The following CSMD2 variants were observed in gnomAD, a reference collection of about 807,000 sequenced individuals.
The protein encoded by CSMD2 is CUB and Sushi multiple domains 2.
A neutral mutation model predicts 398.5 loss-of-function variants in CSMD2; 130 were observed. That is an observed-to-expected ratio of 0.33 (90% CI 0.28 to 0.38). The LOEUF (loss-of-function observed/expected upper bound fraction) is 0.38, where lower values mean the gene tolerates loss of function less well. CSMD2 is among the 10% of genes least tolerant of loss of function. The pLI, the probability that CSMD2 is intolerant of heterozygous loss-of-function variation, is 1.00. For synonymous variants in CSMD2, 1,828 were observed against 1,908.5 expected (o/e 0.96, Z 1.10); for missense variants, 3,829 against 4,764.9 (o/e 0.80, Z 5.78).
intron 55 of CSMD2, among the ~76,000 whole-genome samples, chr1:33,555,692 G>A (rs1657895281): frequency 6.6e-6 from 1 of 152,310 alleles, no homozygotes; most frequent in Non-Finnish European, 1.5e-5. Context: ...CCAGCGAAGA[G>A]TATGACTTGC....
At chr1:34,161,758 G>C (rs563932155) in intron 1 of CSMD2, among the ~76,000 whole-genome samples, 36 of 152,246 alleles carry the variant, frequency 2.4e-4, no homozygotes, top group Middle Eastern at 6.8e-3. Flanking sequence ...GAAGAGAAGT[G>C]ACTAAAAGAC....
intron 2 of CSMD2, among the ~76,000 whole-genome samples, chr1:34,058,040 G>A (rs1457039470): frequency 6.6e-6 from 1 of 152,144 alleles, no homozygotes; most frequent in Non-Finnish European, 1.5e-5. Context: ...GGCGTGGGAC[G>A]AGGGAAAGCC....
intron 3 of CSMD2, among the ~76,000 whole-genome samples, chr1:33,992,684 T>C (rs929195483): frequency 2.6e-4 from 40 of 151,068 alleles, no homozygotes; most frequent in African/African-American, 9.0e-4. Flanking sequence ...CTGGCTAGCA[T>C]GGTGAAACCC....
intron 25 of CSMD2, among the ~76,000 whole-genome samples, chr1:33,679,199 G>GTTTTTTTTTTTTTTTTTTTTTTTTT (rs58284803): frequency 1.2e-5 from 1 of 84,216 alleles, no homozygotes. Flanking sequence ...AATTGCAGTT[G>GTTTTTTTTTTTTTTTTTTTTTTTTT]TTTTTTTTTT....
intron 1 of CSMD2, among the ~76,000 whole-genome samples, chr1:34,149,401 C>T (rs1171488773): frequency 1.3e-5 from 2 of 152,188 alleles, no homozygotes; most frequent in African/African-American, 2.4e-5. Flanking sequence ...AATGCCTCAT[C>T]CTGAAATGCC....
In CSMD2 at chr1:33,527,234, A is replaced by T; in HGVS notation, c.10196T>A (p.Ile3399Asn). 2 of 1,614,110 alleles carry T rather than the reference A, an allele frequency of 1.2e-6. No individual in the cohort carries two copies. Among genetic ancestry groups the T allele is most frequent in the Non-Finnish European group, 1.7e-6 (2 of 1,179,992 alleles). ...CLEVRPSGRPINTAREPPLTQ... is the reference protein window; with the variant it reads ...CLEVRPSGRPNNTAREPPLTQ... ...GAGCGGTGGCTCCCGGGCAGTGTTGATGGGTCTCCCACTGGGCCGGACCTC... is the reference window on the plus strand; with the variant it reads ...GAGCGGTGGCTCCCGGGCAGTGTTGTTGGGTCTCCCACTGGGCCGGACCTC... The change falls in exon 65 of 71, where the codon ATC (isoleucine) becomes AAC (asparagine). Residue 3399 changes from isoleucine (I) to asparagine (N), a missense_variant. By Grantham distance (149) the Ile-to-Asn change is moderately radical. This residue lies in a region of CSMD2 where 917 missense variants were observed against 1,199.5 expected (regional missense o/e 0.76). Transcript: ENST00000373381.
chr1:33,731,067 G>GAC (rs753760513), intron 15 of CSMD2, among the ~76,000 whole-genome samples: 9 of 152,128 alleles, frequency 5.9e-5, no homozygotes, highest in Non-Finnish European at 1.0e-4. Context: ...ACTAGCCAAT[G>GAC]ACACAATTTG....
Position 33,567,622 on chromosome 1 carries a change from T to C in CSMD2, c.8351A>G (p.His2784Arg), listed in dbSNP as rs776518972. 11 of 1,614,016 alleles carry C rather than the reference T, an allele frequency of 6.8e-6. No individual in the cohort carries two copies. The highest frequency in any genetic ancestry group is 1.3e-5 in the African/African-American group (1 of 74,912). Residue 2784 changes from histidine (H) to arginine (R), a missense_variant, in exon 53 of 71, where the codon CAC becomes CGC. His to Arg is a conservative substitution (Grantham distance 29). Around this residue, in one of 5 missense-constraint regions of CSMD2, gnomAD observed 917 missense variants for 1,199.5 expected, o/e 0.76. Coordinates refer to ENST00000373381, the MANE Select transcript of CSMD2 (RefSeq NM_001281956.2). ...ACAGAAAGGGGTCTTGCCCGACCAG[T>C]GATGATCCTGCTGGCAGATGCGCAC... ...MSVRICQQDH[H>R]WSGKTPFCVP...
intron 3 of CSMD2, among the ~76,000 whole-genome samples, chr1:33,939,270 T>C (rs1299529163): frequency 6.6e-6 from 1 of 152,110 alleles, no homozygotes; most frequent in Non-Finnish European, 1.5e-5. Flanking sequence ...GATCAGTCCC[T>C]GCTGCTGGTT....
At chr1:33,765,214 T>C (rs1650342190) in intron 13 of CSMD2, among the ~76,000 whole-genome samples, 1 of 152,238 alleles carries the variant, frequency 6.6e-6, no homozygotes, top group East Asian at 1.9e-4. Context: ...GACAAAATGA[T>C]TCTAAAATTA....
Position 34,107,682 on chromosome 1 carries a change from T to G in CSMD2, c.188-18489A>C, listed in dbSNP as rs980924751. On this transcript the variant is annotated intron_variant, in intron 1 of 70. Coordinates refer to ENST00000373381, the MANE Select transcript of CSMD2 (RefSeq NM_001281956.2). ...GGCCAATGTAGTAAGCTAAACTCCT[T>G]TCTACAGCACTCTCATACAGCAAAG... 3.9e-5 allele frequency among the ~76,000 whole-genome samples: 6 copies of G among 152,180 alleles called. 1 individual carries two copies. Among genetic ancestry groups the G allele is most frequent in the Non-Finnish European group, 8.8e-5 (6 of 68,030 alleles).
In CSMD2 at chr1:33,772,248, A is replaced by G. The variant is rs1292221163; in HGVS notation, c.1846+321T>C. On this transcript the variant is annotated intron_variant, in intron 13 of 70. Coordinates refer to ENST00000373381, the MANE Select transcript of CSMD2 (RefSeq NM_001281956.2). ...GGTGTCAGGGGTGGCAATGACGGTG[A>G]GCAGGAAATGTCTGGGTCTGAGCCT... 1.8e-5 allele frequency: 4 copies of G among 226,904 alleles called. No homozygotes were observed. In the East Asian group the frequency reaches 4.0e-4, roughly 22 times the overall value. The allele number at this position is 226,904 out of a possible 1,614,324, so 14.1% of individuals were successfully genotyped here. A position where few individuals can be genotyped will look rare whatever the true frequency, so the allele number is the denominator to read the frequency against.
intron 3 of CSMD2, among the ~76,000 whole-genome samples, chr1:33,938,281 GT>G (rs34392838): frequency 0.043 from 6,556 of 151,688 alleles, 177 homozygotes; most frequent in East Asian, 0.058. Context: ...CCATGATCCT[GT>G]GCTGCTGGCT....
At chr1:33,858,506 T>C (rs971210448) in intron 5 of CSMD2, among the ~76,000 whole-genome samples, 2 of 152,180 alleles carry the variant, frequency 1.3e-5, no homozygotes, top group African/African-American at 4.8e-5. Context: ...TGTGTGGCCT[T>C]GGATAAATTA....
At chr1:34,099,661 G>A (rs1038886350) in intron 1 of CSMD2, among the ~76,000 whole-genome samples, 6 of 152,192 alleles carry the variant, frequency 3.9e-5, no homozygotes, top group African/African-American at 9.7e-5. Flanking sequence ...TAGAATAGTC[G>A]GAGAGGATCC....
chr1:34,145,103 T>G (rs141636263), intron 1 of CSMD2, among the ~76,000 whole-genome samples: 1 of 152,312 alleles, frequency 6.6e-6, no homozygotes, highest in African/African-American at 2.4e-5. Flanking sequence ...CAAGGCTGCC[T>G]GCTTCTTTGA....
At chr1:33,744,425 G>T (rs1460932241) in intron 13 of CSMD2, among the ~76,000 whole-genome samples, 1 of 152,056 alleles carries the variant, frequency 6.6e-6, no homozygotes, top group Non-Finnish European at 1.5e-5. Context: ...GGGGAGGGAG[G>T]TGACAGCATC....
intron 3 of CSMD2, among the ~76,000 whole-genome samples, chr1:33,962,649 T>C (rs1486368756): frequency 6.6e-6 from 1 of 152,184 alleles, no homozygotes; most frequent in East Asian, 1.9e-4. Context: ...CCTTCCTCTC[T>C]ACTCCCTCCC....
chr1:33,846,820 G>A, intron 6 of CSMD2, 64 bp downstream of exon 6: 1 of 1,025,168 alleles, frequency 9.8e-7, no homozygotes, highest in Non-Finnish European at 1.4e-6. Context: ...GAGAGGTGAT[G>A]AGCCCTCCAG....
Sources: gnomAD v4.1 joint callset for allele counts (sites outside exome capture counted in the v4.1 genomes callset) on GRCh38, gnomAD v4.1.1 for gene constraint, gnomAD v4.1.1 regional missense constraint, MANE v1.5 for transcripts, NCBI Gene and HGNC (gene_info 2026-07-23, HGNC 2026-07-21) for gene names.